The following SOS2 variants were observed in gnomAD, a reference collection of about 807,000 sequenced individuals.
The protein encoded by SOS2 is SOS Ras/Rho guanine nucleotide exchange factor 2, also known as son of sevenless homolog 2.
A neutral mutation model predicts 148.2 loss-of-function variants in SOS2; 65 were observed. The ratio of observed to expected loss-of-function variants is 0.44; its 90% confidence interval spans 0.36 to 0.54. The LOEUF (loss-of-function observed/expected upper bound fraction) is 0.54, where lower values mean the gene tolerates loss of function less well. Ranked by LOEUF, SOS2 falls within the 20% of genes least tolerant of loss-of-function variation. SOS2 has a pLI of 0.00. For missense variants in SOS2, 1,341 were observed against 1,590.2 expected (o/e 0.84, Z 2.67); for synonymous variants, 539 against 537.1 (o/e 1.00, Z -0.05).
At chr14:50,146,316 T>C (rs575611638) in intron 14 of SOS2, among the ~76,000 whole-genome samples, 9 of 152,074 alleles carry the variant, frequency 5.9e-5, no homozygotes, top group African/African-American at 1.7e-4. Context: ...AATTTGACTC[T>C]TAAGTATGCA....
At chr14:50,214,457 T>C (rs575139968) in intron 1 of SOS2, among the ~76,000 whole-genome samples, 2 of 152,254 alleles carry the variant, frequency 1.3e-5, no homozygotes, top group African/African-American at 4.8e-5. Context: ...CAGAGATAAC[T>C]TAATTACATT....
chr14:50,143,125 C>G (rs1025584418), intron 16 of SOS2, among the ~76,000 whole-genome samples: 1 of 151,950 alleles, frequency 6.6e-6, no homozygotes, highest in African/African-American at 2.4e-5. Context: ...TATGTACAGT[C>G]TAAGTTTTAA....
intron 7 of SOS2, among the ~76,000 whole-genome samples, chr14:50,178,673 T>TGC: frequency 1.8e-3 from 4 of 2,214 alleles, no homozygotes; most frequent in Non-Finnish European, 6.1e-3. Flanking sequence ...TGTGTGTGCA[T>TGC]ATATATATAT....
chr14:50,123,803 T>C (rs1186961256), intron 21 of SOS2, among the ~76,000 whole-genome samples: 1 of 152,208 alleles, frequency 6.6e-6, no homozygotes, highest in Non-Finnish European at 1.5e-5. Flanking sequence ...ATGCTTACTG[T>C]AATAAACAAG....
At chr14:50,193,751 G>A (rs909079123) in intron 4 of SOS2, among the ~76,000 whole-genome samples, 1 of 151,362 alleles carries the variant, frequency 6.6e-6, no homozygotes, top group Non-Finnish European at 1.5e-5. Flanking sequence ...AAGTCATCGG[G>A]ATTTTTTTTT....
At chr14:50,185,553 G>A (rs12589033) in intron 5 of SOS2, among the ~76,000 whole-genome samples, 43,745 of 151,830 alleles carry the variant, frequency 0.29, 7,813 homozygotes, top group Non-Finnish European at 0.41. Flanking sequence ...TTAGCCAGGC[G>A]TGGTGGTGCA....
rs763259138 is a variant in SOS2 at position 50,201,096 on chromosome 14, C to T, written c.214-12G>A. The T allele has an allele frequency of 5.6e-6, 9 of 1,612,272 alleles. No homozygotes were observed. The Admixed American group carries it at 1.3e-4, about 24-fold the overall frequency. On this transcript the variant is annotated splice_polypyrimidine_tract_variant and intron_variant, in intron 2 of 22. Transcript: ENST00000216373. ...TTCTGAACTCGCTCCTGCTCAATCA[C>T]AGCAGAACCATTGTAGTATTAATAA...
intron 1 of SOS2, among the ~76,000 whole-genome samples, chr14:50,218,502 G>A (rs913925097): frequency 1.5e-4 from 22 of 151,200 alleles, no homozygotes; most frequent in African/African-American, 1.9e-4. Context: ...CAGCCTGGGC[G>A]ACAGAGCAAG....
At chr14:50,186,446 A>C (rs1180938293) in intron 5 of SOS2, among the ~76,000 whole-genome samples, 3 of 152,176 alleles carry the variant, frequency 2.0e-5, no homozygotes, top group Non-Finnish European at 4.4e-5. Flanking sequence ...GGTAGAAAAG[A>C]AGCCACATTC....
At chr14:50,160,416 A>G (rs1327624095) in intron 9 of SOS2, among the ~76,000 whole-genome samples, 8 of 49,042 alleles carry the variant, frequency 1.6e-4, no homozygotes, top group Admixed American at 2.7e-4. Context: ...TTTTTTTTGG[A>G]GCTCTTGTCC....
At chr14:50,219,586 T>C (rs1284520818) in intron 1 of SOS2, among the ~76,000 whole-genome samples, 1 of 152,176 alleles carries the variant, frequency 6.6e-6, no homozygotes, top group Non-Finnish European at 1.5e-5. Context: ...CTGAAGGATA[T>C]GTCTACTAGC....
At chr14:50,147,222 A>C (rs549758498) in intron 14 of SOS2, among the ~76,000 whole-genome samples, 8 of 151,654 alleles carry the variant, frequency 5.3e-5, no homozygotes, top group African/African-American at 1.7e-4. Context: ...ACAACAACAA[A>C]AAACCAGTTG....
Position 50,201,224 on chromosome 14 carries a change from A to C in SOS2, c.214-140T>G, listed in dbSNP as rs1886475605. ...ATACATTCTGATTCCTGTAATAAAT[A>C]AATTTTTTGGCTTAAAAAAAAGGTC... is the stretch of plus-strand genomic sequence containing the variant. On this transcript the variant is annotated intron_variant, in intron 2 of 22. Coordinates refer to ENST00000216373, the MANE Select transcript of SOS2 (RefSeq NM_006939.4). 8.5e-6 allele frequency: 7 copies of C among 821,958 alleles called. No individual in the cohort carries two copies. In the South Asian group the frequency reaches 1.4e-4, roughly 17 times the overall value. The allele number at this position is 821,958 out of a possible 1,614,324, so 50.9% of individuals were successfully genotyped here.
rs1747075874 is a variant in SOS2, at chr14:50,199,606, T to C, written c.510+85A>G. On this transcript the variant is annotated intron_variant, in intron 4 of 22. Coordinates refer to ENST00000216373, the MANE Select transcript of SOS2 (RefSeq NM_006939.4). ...AGTACTAGCAATTATAAAGATTACT[T>C]ATCTAATAATGTACACAAAAAGATT... 4.1e-6 allele frequency: 3 copies of C among 735,996 alleles called. No homozygotes were observed. In the South Asian group the frequency reaches 7.5e-5, roughly 18 times the overall value. The allele number at this position is 735,996 out of a possible 1,614,324, so 45.6% of individuals were successfully genotyped here. A position where few individuals can be genotyped will look rare whatever the true frequency, so the allele number is the denominator to read the frequency against.
intron 7 of SOS2, among the ~76,000 whole-genome samples, chr14:50,179,230 G>C (rs531827098): frequency 1.3e-5 from 2 of 152,026 alleles, no homozygotes; most frequent in Admixed American, 1.3e-4. Context: ...TGGCTGCAAA[G>C]AAAAAATGAG....
At chr14:50,153,004 G>A in intron 13 of SOS2, 66 bp downstream of exon 13, 1 of 748,588 alleles carries the variant, frequency 1.3e-6, no homozygotes, top group Non-Finnish European at 2.2e-6. Context: ...GTTTCTTAAA[G>A]TCACACAAAT....
intron 19 of SOS2, among the ~76,000 whole-genome samples, chr14:50,133,392 GT>G (rs1883970460): frequency 6.6e-6 from 1 of 151,644 alleles, no homozygotes; most frequent in South Asian, 2.1e-4. Flanking sequence ...TAGAGACAGG[GT>G]TTTGCCATGT....
chr14:50,127,390 C>T (rs1034299842), intron 21 of SOS2, among the ~76,000 whole-genome samples: 2 of 152,172 alleles, frequency 1.3e-5, no homozygotes, highest in Admixed American at 6.5e-5. Flanking sequence ...GATCTGTCTG[C>T]CTCGGTCTCC....
At chr14:50,191,368 C>T (rs1438220584) in intron 4 of SOS2, among the ~76,000 whole-genome samples, 2 of 152,124 alleles carry the variant, frequency 1.3e-5, no homozygotes, top group Non-Finnish European at 2.9e-5. Context: ...ACTCTGAAGG[C>T]TGAGGTGGGA....
Sources: allele counts gnomAD v4.1 joint callset (sites outside exome capture counted in the v4.1 genomes callset), GRCh38; gene constraint gnomAD v4.1.1; transcripts MANE v1.5; gene names NCBI Gene and HGNC (gene_info 2026-07-23, HGNC 2026-07-21).